The following STK33 variants were observed in gnomAD, a reference collection of about 807,000 sequenced individuals.
STK33 encodes serine/threonine-protein kinase 33.
A neutral mutation model predicts 58.0 loss-of-function variants in STK33; 52 were observed. The ratio of observed to expected loss-of-function variants is 0.90; its 90% confidence interval spans 0.72 to 1.13. STK33 has a LOEUF of 1.13. STK33 is among the 50% of genes most tolerant of loss of function. STK33 has a pLI of 0.00. For synonymous variants in STK33, 215 were observed against 200.1 expected (o/e 1.07, Z -0.63); for missense variants, 630 against 604.2 (o/e 1.04, Z -0.45).
At chr11:8,486,291 A>G (rs1022120141) in intron 1 of STK33, among the ~76,000 whole-genome samples, 2 of 152,198 alleles carry the variant, frequency 1.3e-5, no homozygotes, top group African/African-American at 4.8e-5. Context: ...GTCTCAGCTT[A>G]CTTCTTCAGG....
intron 1 of STK33, among the ~76,000 whole-genome samples, chr11:8,522,674 A>G (rs1953582099): frequency 6.6e-6 from 1 of 152,244 alleles, no homozygotes; most frequent in Admixed American, 6.5e-5. Flanking sequence ...AGATTACATC[A>G]AACTAAAAAT....
chr11:8,359,758 C>T, the STK33 span, among the ~76,000 whole-genome samples: 1 of 152,230 alleles, frequency 6.6e-6, no homozygotes, highest in Non-Finnish European at 1.5e-5. Flanking sequence ...CCCCTGAGTT[C>T]GGGGGCAAGG....
At chr11:8,559,711 T>C (rs1397558455) in intron 1 of STK33, among the ~76,000 whole-genome samples, 1 of 152,170 alleles carries the variant, frequency 6.6e-6, no homozygotes, top group Non-Finnish European at 1.5e-5. Context: ...CAGAAAATAA[T>C]TGCTGTAATA....
At chr11:8,401,800 G>A (rs1831954392) in intron 15 of STK33, among the ~76,000 whole-genome samples, 1 of 152,154 alleles carries the variant, frequency 6.6e-6, no homozygotes, top group Non-Finnish European at 1.5e-5. Context: ...CAAAAAGTGG[G>A]CAAAGGATAT....
chr11:8,365,870 G>A, the STK33 span, among the ~76,000 whole-genome samples: 3 of 151,970 alleles, frequency 2.0e-5, no homozygotes, highest in African/African-American at 4.8e-5. Context: ...CCTGGAACTC[G>A]GGCTTCAGCA....
intron 1 of STK33, among the ~76,000 whole-genome samples, chr11:8,538,389 A>G (rs901081042): frequency 8.5e-5 from 13 of 152,180 alleles, no homozygotes; most frequent in Admixed American, 7.9e-4. Context: ...GTAAATGGTA[A>G]AGCTAGAATA....
the STK33 span, among the ~76,000 whole-genome samples, chr11:8,339,689 C>T: frequency 1.1e-4 from 17 of 151,738 alleles, no homozygotes; most frequent in Admixed American, 3.9e-4. Context: ...ACAGCGGGGG[C>T]TGCAAGAGCT....
At chr11:8,432,893 G>A (rs1344642984) in intron 14 of STK33, among the ~76,000 whole-genome samples, 3 of 152,096 alleles carry the variant, frequency 2.0e-5, no homozygotes, top group African/African-American at 7.2e-5. Context: ...TATCCATTTG[G>A]CAAAGACTTC....
the STK33 span, among the ~76,000 whole-genome samples, chr11:8,383,766 G>A: frequency 6.6e-6 from 1 of 152,184 alleles, no homozygotes; most frequent in African/African-American, 2.4e-5. Flanking sequence ...TACAGTCACT[G>A]CCTAGTCCTT....
chr11:8,492,545 G>A (rs1038918121), intron 1 of STK33, among the ~76,000 whole-genome samples: 1 of 152,174 alleles, frequency 6.6e-6, no homozygotes, highest in Non-Finnish European at 1.5e-5. Context: ...CAACGAGACA[G>A]AAAGTTAACA....
chr11:8,401,650 T>C (rs992581398), intron 15 of STK33, among the ~76,000 whole-genome samples: 4 of 152,188 alleles, frequency 2.6e-5, no homozygotes, highest in East Asian at 1.9e-4. Context: ...AGCTTCTGCA[T>C]AGCAAAAGAA....
At chr11:8,580,514 T>C (rs773924413) in intron 1 of STK33, among the ~76,000 whole-genome samples, 5 of 151,990 alleles carry the variant, frequency 3.3e-5, no homozygotes, top group East Asian at 1.9e-4. Flanking sequence ...GGATGGTTAA[T>C]GGGTACAAAG....
At chr11:8,534,532 TTCTCTCTCTCTCTCTC>T (rs61429377) in intron 1 of STK33, among the ~76,000 whole-genome samples, 1 of 122,450 alleles carries the variant, frequency 8.2e-6, no homozygotes, top group African/African-American at 3.2e-5. Flanking sequence ...GTATATATAT[TTCTCTCTCTCTCTCTC>T]TCTCTCTCTC....
chr11:8,395,532 T>C (rs1849183978), intron 15 of STK33, among the ~76,000 whole-genome samples: 1 of 152,256 alleles, frequency 6.6e-6, no homozygotes. Flanking sequence ...GCTTTCTTCC[T>C]GCTTTTTATA....
rs1565358179 is a variant in STK33 at position 8,557,242 on chromosome 11, CCTTGTGGGGAAGG to C, written c.-466+36828_-466+36840del. Among the ~76,000 whole-genome samples the C allele has an allele frequency of 1.2e-4, 4 of 33,588 alleles. 1 individual carries two copies. The highest frequency in any genetic ancestry group is 1.8e-3 in the East Asian group (2 of 1,108). 22.0% of individuals were successfully genotyped at this position (33,588 alleles called of 152,430 possible). ...CTCCACCGTAGGCAACAGAGGGGGA[CCTTGTGGGGAAGG>C]GAAGGGGAGGGGAGGGGAGGGGAGG... On this transcript the variant is annotated intron_variant, in intron 1 of 15. Coordinates refer to ENST00000687296, the MANE Select transcript of STK33 (RefSeq NM_001352389.2).
chr11:8,412,317 G>A (rs10500703), intron 15 of STK33, among the ~76,000 whole-genome samples: 25,629 of 152,108 alleles, frequency 0.17, 2,631 homozygotes, highest in South Asian at 0.31. Context: ...GCTAAGCATC[G>A]TAGGAGTTAA....
chr11:8,584,232 T>C lies in STK33; in HGVS notation c.-466+9851A>G, dbSNP rs1051890131. ...TCCAAATACTTGCAAATAGCTATCATACCCTCCCTTCCCACCTCTAACCAA... is the reference window on the plus strand; with the variant it reads ...TCCAAATACTTGCAAATAGCTATCACACCCTCCCTTCCCACCTCTAACCAA... On this transcript the variant is annotated intron_variant, in intron 1 of 15. Coordinates refer to ENST00000687296, the MANE Select transcript of STK33 (RefSeq NM_001352389.2). Among the ~76,000 whole-genome samples the C allele has an allele frequency of 4.6e-5, 7 of 152,094 alleles. No homozygotes were observed. In the East Asian group the frequency reaches 1.2e-3, roughly 25 times the overall value.
the STK33 span, among the ~76,000 whole-genome samples, chr11:8,336,471 A>C: frequency 6.6e-6 from 1 of 152,362 alleles, no homozygotes; most frequent in South Asian, 2.1e-4. Context: ...AGAGGGACAG[A>C]AAATCTGCCC....
chr11:8,351,034 T>G, the STK33 span, among the ~76,000 whole-genome samples: 1 of 152,102 alleles, frequency 6.6e-6, no homozygotes, highest in Non-Finnish European at 1.5e-5. Flanking sequence ...AAGCTGGCCC[T>G]GGGGATGGCT....
Sources: allele counts gnomAD v4.1 joint callset (sites outside exome capture counted in the v4.1 genomes callset), GRCh38; gene constraint gnomAD v4.1.1; transcripts MANE v1.5; gene names NCBI Gene and HGNC (gene_info 2026-07-23, HGNC 2026-07-21).